EGFR: variants seen among roughly 807,000 people sequenced by gnomAD.
EGFR encodes the protein epidermal growth factor receptor, also known as avian erythroblastic leukemia viral (v-erb-b) oncogene homolog.
Under a neutral mutation model 143.0 loss-of-function variants are expected in EGFR, and 58 were observed. The observed-to-expected ratio is 0.41, with a 90% CI of 0.33 to 0.50. The LOEUF is 0.50. Among genes scored for constraint, EGFR ranks in the 20% least tolerant of loss-of-function variants. The pLI is 0.39. For missense variants in EGFR, 1,307 were observed against 1,579.0 expected, an observed-to-expected ratio of 0.83 and a Z score of 2.92; for synonymous variants, 613 against 594.4, an observed-to-expected ratio of 1.03 and a Z score of -0.45.
At chr7:55,166,875 GA>G (rs1317635528) in intron 15 of EGFR, among the ~76,000 whole-genome samples, 37 of 120,932 alleles carry the variant, frequency 3.1e-4, no homozygotes, top group South Asian at 1.3e-3. Flanking sequence ...TGGTGGTAGT[GA>G]TGATGGTGTT....
At chr7:55,146,807 C>G (rs2128929804) in intron 4 of EGFR, 67 bp downstream of exon 4, 1 of 1,604,722 alleles carries the variant, frequency 6.2e-7, no homozygotes, top group Non-Finnish European at 8.5e-7. Flanking sequence ...AGCACTGGGG[C>G]AGGGGAGAGA....
intron 22 of EGFR, among the ~76,000 whole-genome samples, chr7:55,196,042 G>A (rs115825343): frequency 0.02 from 3,063 of 151,822 alleles, 93 homozygotes; most frequent in African/African-American, 0.071. Context: ...GGGATTGCCG[G>A]GTCAAATGGT....
chr7:55,022,353 T>C (rs1786621634), intron 1 of EGFR, among the ~76,000 whole-genome samples: 1 of 152,150 alleles, frequency 6.6e-6, no homozygotes, highest in Non-Finnish European at 1.5e-5. Context: ...AGGTCCGAGC[T>C]GTCTTAAAGA....
chr7:55,041,946 G>A (rs1289090683), intron 1 of EGFR, among the ~76,000 whole-genome samples: 1 of 152,118 alleles, frequency 6.6e-6, no homozygotes, highest in African/African-American at 2.4e-5. Flanking sequence ...TCATATAGAA[G>A]GATCTAAGAA....
chr7:55,100,249 T>C (rs1332601416), intron 1 of EGFR, among the ~76,000 whole-genome samples: 2 of 152,170 alleles, frequency 1.3e-5, no homozygotes, highest in Admixed American at 6.5e-5. Context: ...CCTGACCTAG[T>C]TTTCCTCCCA....
intron 1 of EGFR, among the ~76,000 whole-genome samples, chr7:55,035,431 AGGCAGGT>A (rs1014518648): frequency 3.3e-5 from 5 of 151,846 alleles, no homozygotes; most frequent in African/African-American, 1.2e-4. Context: ...TGGGAGGCCA[AGGCAGGT>A]GGATCACTTG....
At chr7:55,027,034 G>C (rs1420237717) in intron 1 of EGFR, among the ~76,000 whole-genome samples, 6 of 152,166 alleles carry the variant, frequency 3.9e-5, no homozygotes, top group Non-Finnish European at 8.8e-5. Flanking sequence ...CAAGTCCTCA[G>C]GGAGATTCTG....
intron 1 of EGFR, among the ~76,000 whole-genome samples, chr7:55,085,715 G>C (rs1171069275): frequency 6.6e-6 from 1 of 152,184 alleles, no homozygotes; most frequent in Non-Finnish European, 1.5e-5. Flanking sequence ...AAATTGCGAA[G>C]GATCAAGGCA....
chr7:55,172,169 A>G (rs1399561928), intron 16 of EGFR, among the ~76,000 whole-genome samples: 1 of 152,210 alleles, frequency 6.6e-6, no homozygotes, highest in Admixed American at 6.5e-5. Flanking sequence ...AGTCATGGCC[A>G]TTCCTTCTTA....
At chr7:55,040,703 C>A (rs1315632911) in intron 1 of EGFR, among the ~76,000 whole-genome samples, 2 of 152,050 alleles carry the variant, frequency 1.3e-5, no homozygotes, top group Admixed American at 6.6e-5. Context: ...GCCTTTTTCC[C>A]AGAAAATCTC....
At chr7:55,129,994 C>T (rs1584112516) in intron 1 of EGFR, among the ~76,000 whole-genome samples, 2 of 152,202 alleles carry the variant, frequency 1.3e-5, no homozygotes, top group African/African-American at 2.4e-5. Flanking sequence ...TATGTATTTG[C>T]TTACAGTCTG....
intron 1 of EGFR, among the ~76,000 whole-genome samples, chr7:55,055,787 C>A (rs1053249374): frequency 6.6e-6 from 1 of 151,888 alleles, no homozygotes; most frequent in African/African-American, 2.4e-5. Flanking sequence ...TCATCTTGAA[C>A]TCCTTCGAGT....
At chr7:55,143,948 A>G (rs944855026) in intron 3 of EGFR, among the ~76,000 whole-genome samples, 1 of 152,148 alleles carries the variant, frequency 6.6e-6, no homozygotes, top group African/African-American at 2.4e-5. Context: ...TTAAGGATAG[A>G]GAATGAGGTG....
chr7:55,120,445 CTT>C (rs2128913359), intron 1 of EGFR, among the ~76,000 whole-genome samples: 1 of 152,320 alleles, frequency 6.6e-6, no homozygotes, highest in East Asian at 1.9e-4. Context: ...AAAGTTAACT[CTT>C]GTTAGTAGAG....
chr7:55,095,912 A>G (rs764420415), intron 1 of EGFR, among the ~76,000 whole-genome samples: 15 of 151,844 alleles, frequency 9.9e-5, no homozygotes, highest in Non-Finnish European at 1.6e-4. Flanking sequence ...AGAGACATAC[A>G]TACAATACAC....
chr7:55,074,780 T>C (rs1388812601), intron 1 of EGFR, among the ~76,000 whole-genome samples: 1 of 152,226 alleles, frequency 6.6e-6, no homozygotes, highest in African/African-American at 2.4e-5. Context: ...AAGATTATTT[T>C]TCCTTATGGT....
chr7:55,123,852 C>A (rs983365822), intron 1 of EGFR, among the ~76,000 whole-genome samples: 2 of 151,330 alleles, frequency 1.3e-5, no homozygotes, highest in Admixed American at 1.3e-4. Flanking sequence ...TGTGAATGTG[C>A]CCGTATGTGC....
chr7:55,055,210 C>T (rs1262680990), intron 1 of EGFR, among the ~76,000 whole-genome samples: 2 of 152,196 alleles, frequency 1.3e-5, no homozygotes, highest in East Asian at 3.8e-4. Context: ...CTGAAAGAAT[C>T]TCTAAATCAG....
At chr7:55,118,521 G>A (rs1318647064) in intron 1 of EGFR, among the ~76,000 whole-genome samples, 1 of 152,198 alleles carries the variant, frequency 6.6e-6, no homozygotes, top group Admixed American at 6.5e-5. Flanking sequence ...TGTGTGGAAG[G>A]TTGCCACCTT....
Sources: allele counts gnomAD v4.1 joint callset (sites outside exome capture counted in the v4.1 genomes callset), GRCh38; gene constraint gnomAD v4.1.1; transcripts MANE v1.5; gene names NCBI Gene and HGNC (gene_info 2026-07-23, HGNC 2026-07-21).